CCDC77: variants seen among roughly 807,000 people sequenced by gnomAD.
The protein encoded by CCDC77 is coiled-coil domain containing 77.
CCDC77 carries 56 observed loss-of-function variants against 66.8 expected under a neutral mutation model. That is an observed-to-expected ratio of 0.84 (90% CI 0.68 to 1.05). The LOEUF is 1.05. CCDC77 is among the 50% of genes least tolerant of loss of function. The pLI, the probability that CCDC77 is intolerant of heterozygous loss-of-function variation, is 0.00. For missense variants in CCDC77, 570 were observed against 576.8 expected, an observed-to-expected ratio of 0.99 and a Z score of 0.12; for synonymous variants, 196 against 195.2, an observed-to-expected ratio of 1.00 and a Z score of -0.03.
chr12:399,679 A>T (rs74557715), upstream of CCDC77, among the ~76,000 whole-genome samples: 449 of 152,350 alleles, frequency 2.9e-3, 1 homozygote, highest in African/African-American at 0.01. Context: ...TTAAAATAAA[A>T]CATACATAAA....
intron 3 of CCDC77, among the ~76,000 whole-genome samples, chr12:410,350 G>T (rs530363488): frequency 5.9e-5 from 9 of 151,614 alleles, no homozygotes; most frequent in African/African-American, 2.2e-4. Flanking sequence ...TCACCGCAAC[G>T]TCTGCCTCCC....
At chr12:415,329 T>TAATATTATGTTAATATAATCAAC (rs1565567906) in intron 4 of CCDC77, among the ~76,000 whole-genome samples, 1 of 90,496 alleles carries the variant, frequency 1.1e-5, no homozygotes, top group African/African-American at 4.8e-5. Context: ...ATAATCAACA[T>TAATATTATGTTAATATAATCAAC]AATATTATGT....
intron 5 of CCDC77, among the ~76,000 whole-genome samples, chr12:422,807 T>C (rs957347095): frequency 6.6e-6 from 1 of 152,132 alleles, no homozygotes; most frequent in Admixed American, 6.6e-5. Context: ...AGAGACAGGG[T>C]TCTGCCATGT....
chr12:430,858 C>T, intron 7 of CCDC77, 122 bp downstream of exon 7: 2 of 733,402 alleles, frequency 2.7e-6, no homozygotes, highest in Non-Finnish European at 4.9e-6. Flanking sequence ...GTTGGTGGAT[C>T]ACCTGAGGTC....
chr12:439,683 G>A (rs1167143470), intron 10 of CCDC77, among the ~76,000 whole-genome samples: 1 of 151,914 alleles, frequency 6.6e-6, no homozygotes, highest in Admixed American at 6.6e-5. Flanking sequence ...GAGAGGCTGA[G>A]GCAGGAGAAT....
At chr12:435,575 A>G (rs1035657254) in intron 9 of CCDC77, among the ~76,000 whole-genome samples, 2 of 152,378 alleles carry the variant, frequency 1.3e-5, no homozygotes, top group African/African-American at 4.8e-5. Flanking sequence ...TTGATACTAC[A>G]GAACTTGTGT....
At chr12:413,048 C>T (rs1233644855) in intron 4 of CCDC77, among the ~76,000 whole-genome samples, 1 of 151,216 alleles carries the variant, frequency 6.6e-6, no homozygotes. Context: ...ATGCCATTCT[C>T]CTGCCTCAGC....
intron 2 of CCDC77, among the ~76,000 whole-genome samples, chr12:406,610 A>G (rs1944995460): frequency 1.3e-5 from 2 of 152,216 alleles, no homozygotes; most frequent in Admixed American, 6.5e-5. Context: ...TGACACATAT[A>G]TATTAATGTG....
intron 5 of CCDC77, among the ~76,000 whole-genome samples, chr12:425,845 T>C (rs1945518715): frequency 6.6e-6 from 1 of 152,088 alleles, no homozygotes; most frequent in Admixed American, 6.6e-5. Flanking sequence ...AGATCCAGAT[T>C]CTTTTTTTTG....
chr12:389,607 T>C, intron 1 of CCDC77: 2 of 91,504 alleles, frequency 2.2e-5, no homozygotes, highest in Non-Finnish European at 2.4e-5. Flanking sequence ...GACGTGACGC[T>C]TTCTTCCGGC....
At chr12:401,548 A>AT (rs892999712), upstream of CCDC77, 1 of 152,262 alleles carries the variant, frequency 6.6e-6, no homozygotes, top group African/African-American at 2.4e-5. Context: ...GGCCCTTCCC[A>AT]TTGGTGCGCA....
At chr12:392,248 A>C (rs1944766176) in intron 1 of CCDC77, among the ~76,000 whole-genome samples, 1 of 152,204 alleles carries the variant, frequency 6.6e-6, no homozygotes, top group South Asian at 2.1e-4. Context: ...GAATACTTAG[A>C]TCTGATAATC....
rs1351577363 is a variant in CCDC77 at position 415,678 on chromosome 12, G to A, written c.271-2816G>A. On this transcript the variant is annotated intron_variant, in intron 4 of 12. Transcript: ENST00000239830. ...GTTAGGGTCTTGCCCTGTTGCCCAG[G>A]CTGGAGTGCAGTGGTGCGATCATAG... Among the ~76,000 whole-genome samples, 4 of 151,904 alleles carry A rather than the reference G, an allele frequency of 2.6e-5. No homozygotes were observed. In the South Asian group the frequency reaches 8.3e-4, roughly 31 times the overall value.
chr12:406,772 C>G (rs1944998758), intron 2 of CCDC77, among the ~76,000 whole-genome samples: 1 of 152,142 alleles, frequency 6.6e-6, no homozygotes, highest in Admixed American at 6.5e-5. Flanking sequence ...CATGGTGAAA[C>G]CCCGTCTCTA....
chr12:418,212 G>A (rs1299070769), intron 4 of CCDC77, among the ~76,000 whole-genome samples: 1 of 151,954 alleles, frequency 6.6e-6, no homozygotes, highest in Non-Finnish European at 1.5e-5. Context: ...TCAGCTACTC[G>A]GGAGGCTGAG....
intron 1 of CCDC77, among the ~76,000 whole-genome samples, chr12:395,528 A>G (rs1278908766): frequency 6.6e-6 from 1 of 152,186 alleles, no homozygotes; most frequent in Non-Finnish European, 1.5e-5. Context: ...CTACGAACCC[A>G]ACCAACTACA....
intron 9 of CCDC77, among the ~76,000 whole-genome samples, chr12:436,175 T>C (rs1358250667): frequency 1.4e-5 from 2 of 147,058 alleles, no homozygotes; most frequent in African/African-American, 5.1e-5. Flanking sequence ...TGGAGTGCAG[T>C]GGCACAATCT....
At chr12:396,729 G>A (rs1944833199), upstream of CCDC77, among the ~76,000 whole-genome samples, 3 of 152,334 alleles carry the variant, frequency 2.0e-5, 1 homozygote, top group South Asian at 6.2e-4. Context: ...ATAAAAGGAA[G>A]AGTGTGAACT....
At chr12:430,564 C>G in intron 6 of CCDC77, 100 bp from the exon 7 acceptor site, 1 of 859,924 alleles carries the variant, frequency 1.2e-6, no homozygotes, top group Non-Finnish European at 2.0e-6. Flanking sequence ...TCAGTTTTGA[C>G]TAATTTAACT....
Sources: allele counts gnomAD v4.1 joint callset (sites outside exome capture counted in the v4.1 genomes callset), GRCh38; gene constraint gnomAD v4.1.1; transcripts MANE v1.5; gene names NCBI Gene and HGNC (gene_info 2026-07-23, HGNC 2026-07-21).